NUP214: variants seen among roughly 807,000 people sequenced by gnomAD.
NUP214 encodes nucleoporin 214.
NUP214 carries 79 observed loss-of-function variants against 196.2 expected under a neutral mutation model. The observed-to-expected ratio is 0.40, with a 90% CI of 0.34 to 0.49. The LOEUF is 0.49. NUP214 is among the 20% of genes least tolerant of loss of function. The pLI, the probability that NUP214 is intolerant of heterozygous loss-of-function variation, is 0.58. For missense variants in NUP214, 2,468 were observed against 2,539.0 expected (o/e 0.97, Z 0.60); for synonymous variants, 1,020 against 990.5 (o/e 1.03, Z -0.56).
At chr9:131,187,187 C>A in intron 24 of NUP214, 102 bp from the exon 25 acceptor site, 1 of 974,862 alleles carries the variant, frequency 1.0e-6, no homozygotes, top group South Asian at 1.3e-5. Context: ...GTATCCTACC[C>A]AAAACTGGTA....
At chr9:131,218,755 ACTGAC>A (rs1377753721) in intron 31 of NUP214, among the ~76,000 whole-genome samples, 6 of 151,886 alleles carry the variant, frequency 4.0e-5, no homozygotes, top group Non-Finnish European at 5.9e-5. Context: ...GCAACTTCCC[ACTGAC>A]TATAGGATAA....
chr9:131,222,825 T>C lies in NUP214; in HGVS notation c.5797T>C (p.Phe1933Leu), dbSNP rs1192399378. Residue 1933 changes from phenylalanine to leucine, a missense_variant, in exon 32 of 36, where the codon TTT (phenylalanine) becomes CTT (leucine). By Grantham distance (22) the Phe-to-Leu change is conservative (BLOSUM62 0). Coordinates refer to ENST00000359428, the MANE Select transcript of NUP214 (RefSeq NM_005085.4). ...GNSGAKTFGG[F>L]ASSSFGEQKP... ...CAGTGGGGCCAAGACATTTGGTGGA[T>C]TTGCCAGCTCGTCGTTTGGAGAGCA... 2 of 1,614,086 alleles carry C rather than the reference T, an allele frequency of 1.2e-6. No homozygotes were observed. The highest frequency in any genetic ancestry group is 1.7e-6 in the Non-Finnish European group (2 of 1,180,050).
At chr9:131,139,900 C>T (rs1467852689) in intron 10 of NUP214, among the ~76,000 whole-genome samples, 1 of 152,180 alleles carries the variant, frequency 6.6e-6, no homozygotes, top group African/African-American at 2.4e-5. Flanking sequence ...CTTGGCTATA[C>T]TGTAGTCATT....
rs373166063 is a variant in NUP214 at position 131,128,444 on chromosome 9, C to T, written c.354C>T (p.Ser118=). 1 of 1,613,126 alleles carries T rather than the reference C, an allele frequency of 6.2e-7. No individual in the cohort carries two copies. Among genetic ancestry groups the T allele is most frequent in the African/African-American group, 1.3e-5 (1 of 74,920 alleles). Reference sequence around the variant, plus strand: ...GCATGATGTCCAGTGAATATGGTTCCATTATTGCTTTTTTTGATGTTCGCA... The same window carrying T: ...GCATGATGTCCAGTGAATATGGTTCTATTATTGCTTTTTTTGATGTTCGCA... ...SACMMSSEYG[S]IIAFFDVRTF... The change falls in exon 3 of 36, where the codon TCC becomes TCT. Residue 118 remains serine (S), a synonymous_variant. Coordinates refer to ENST00000359428, the MANE Select transcript of NUP214 (RefSeq NM_005085.4).
intron 32 of NUP214, among the ~76,000 whole-genome samples, chr9:131,224,813 T>G (rs1834678939): frequency 6.6e-6 from 1 of 152,262 alleles, no homozygotes; most frequent in Non-Finnish European, 1.5e-5. Flanking sequence ...ACAAGGCTTT[T>G]ATCCCAGTTA....
At chr9:131,181,007 G>A (rs1833263269) in intron 24 of NUP214, among the ~76,000 whole-genome samples, 1 of 152,172 alleles carries the variant, frequency 6.6e-6, no homozygotes, top group Non-Finnish European at 1.5e-5. Context: ...AGTAAAATAT[G>A]TAATATATTA....
chr9:131,224,262 G>A (rs1834665331), intron 32 of NUP214, among the ~76,000 whole-genome samples: 1 of 152,122 alleles, frequency 6.6e-6, no homozygotes, highest in African/African-American at 2.4e-5. Flanking sequence ...TTAATGAACA[G>A]TGTATGTTTA....
At chr9:131,167,021 G>A (rs1341568236) in intron 21 of NUP214, 8 of 151,984 alleles carry the variant, frequency 5.3e-5, no homozygotes, top group South Asian at 2.1e-4. Context: ...GAAATTTAAC[G>A]TATACAGTTA....
rs537088465 is a variant in NUP214, at chr9:131,207,919, G to T, written c.5592+6202G>T. On this transcript the variant is annotated intron_variant, in intron 30 of 35. Transcript: ENST00000359428. ...GGCTGGAGAAGGAGCTGTTGGCAGT[G>T]ATGGGGGCAAGCAAAATAAATGACC... is the stretch of plus-strand genomic sequence containing the variant. Among the ~76,000 whole-genome samples the T allele has an allele frequency of 7.2e-5, 11 of 152,292 alleles. No individual in the cohort carries two copies. In the East Asian group the frequency reaches 1.9e-3, roughly 27 times the overall value.
chr9:131,192,832 TTGGGAGGCTGAGG>T (rs1231510643), intron 27 of NUP214: 1 of 150,994 alleles, frequency 6.6e-6, no homozygotes, highest in Non-Finnish European at 1.5e-5. Context: ...TCCCAGCCAC[TTGGGAGGCTGAGG>T]TGGGAGGATC....
chr9:131,131,379 T>A (rs1422350430), intron 5 of NUP214, among the ~76,000 whole-genome samples: 1 of 152,232 alleles, frequency 6.6e-6, no homozygotes, highest in Admixed American at 6.5e-5. Context: ...CAAATATCCT[T>A]CAATATCAAT....
At chr9:131,132,261 G>A (rs535495435) in intron 5 of NUP214, among the ~76,000 whole-genome samples, 92 of 151,470 alleles carry the variant, frequency 6.1e-4, no homozygotes, top group African/African-American at 2.1e-3. Context: ...CTGGGATTAC[G>A]GCACCCGCCA....
rs191110548 is a variant in NUP214, at chr9:131,222,572, G to T, written c.5750-206G>T. The T allele has an allele frequency of 3.4e-5, 16 of 471,734 alleles. 1 individual carries two copies. Among genetic ancestry groups the T allele is most frequent in the African/African-American group, 2.0e-4 (10 of 50,162 alleles). 29.2% of individuals were successfully genotyped at this position (471,734 alleles called of 1,614,324 possible). A position where few individuals can be genotyped will look rare whatever the true frequency, so the allele number is the denominator to read the frequency against. On this transcript the variant is annotated intron_variant, in intron 31 of 35. Transcript: ENST00000359428. Reference sequence around the variant, plus strand: ...ATGCCAGGAAATCCTGAGCCTGGGTGCCAGAATGATTAAAAACTTCCCAGC... The same window carrying T: ...ATGCCAGGAAATCCTGAGCCTGGGTTCCAGAATGATTAAAAACTTCCCAGC...
intron 30 of NUP214, among the ~76,000 whole-genome samples, chr9:131,210,243 A>G (rs1834200982): frequency 6.6e-6 from 1 of 152,242 alleles, no homozygotes; most frequent in Non-Finnish European, 1.5e-5. Context: ...AACTGGAGAC[A>G]GACTTTAACT....
chr9:131,165,143 A>G (rs1438739095), intron 21 of NUP214: 1 of 152,220 alleles, frequency 6.6e-6, no homozygotes, highest in East Asian at 1.9e-4. Flanking sequence ...AAAAAATATT[A>G]GCTGAGTGCG....
chr9:131,199,082 C>T (rs1348690893), intron 29 of NUP214, 67 bp downstream of exon 29: 1 of 1,506,430 alleles, frequency 6.6e-7, no homozygotes, highest in Non-Finnish European at 8.9e-7. Context: ...CAACAGACCC[C>T]TATTACTTTT....
intron 9 of NUP214, among the ~76,000 whole-genome samples, chr9:131,138,140 C>T (rs568131189): frequency 6.6e-5 from 10 of 151,996 alleles, no homozygotes; most frequent in African/African-American, 2.4e-4. Context: ...CTTTCTCTCT[C>T]TCTCTCTTTT....
intron 14 of NUP214, among the ~76,000 whole-genome samples, chr9:131,149,593 C>A (rs777729558): frequency 2.6e-5 from 4 of 151,834 alleles, no homozygotes; most frequent in African/African-American, 4.8e-5. Context: ...AGCTGTTGCA[C>A]CTCTCACCTT....
Position 131,128,478 on chromosome 9 carries a change from A to T in NUP214, c.388A>T (p.Asn130Tyr), listed in dbSNP as rs1191692992. 1 of 1,612,038 alleles carries T rather than the reference A, an allele frequency of 6.2e-7. No individual in the cohort carries two copies. ...IAFFDVRTFS[N>Y]EAKQQKRPFA... ...TTTTTTTGATGTTCGCACATTCTCA[A>T]ATGAGGTAAGCTACTGTTATACTGT... Residue 130 changes from asparagine to tyrosine, a missense_variant, in exon 3 of 36, where the codon AAT becomes TAT. By Grantham distance (143) the Asn-to-Tyr change is moderately radical. Coordinates refer to ENST00000359428, the MANE Select transcript of NUP214 (RefSeq NM_005085.4).
Sources: gnomAD v4.1 joint callset for allele counts (sites outside exome capture counted in the v4.1 genomes callset) on GRCh38, gnomAD v4.1.1 for gene constraint, MANE v1.5 for transcripts, NCBI Gene and HGNC (gene_info 2026-07-23, HGNC 2026-07-21) for gene names.